IKBKG: variants seen among roughly 807,000 people sequenced by gnomAD.
IKBKG encodes NF-kappa-B essential modulator.
IKBKG carries 2 observed loss-of-function variants against 13.7 expected under a neutral mutation model. The observed-to-expected ratio is 0.15, with a 90% confidence interval of 0.06 to 0.46. The LOEUF (loss-of-function observed/expected upper bound fraction) is 0.46, where lower values mean the gene tolerates loss of function less well. IKBKG is among the 20% of genes least tolerant of loss of function. IKBKG has a pLI of 0.98. For missense variants in IKBKG, 53 were observed against 150.3 expected (o/e 0.35, Z 3.39); for synonymous variants, 22 against 64.4 (o/e 0.34, Z 3.15).
At chrX:154,546,856 G>C, upstream of IKBKG, 1 of 1,111,066 alleles carries the variant, frequency 9.0e-7, no homozygotes, top group Non-Finnish European at 1.2e-6. Flanking sequence ...CGGGGGCTGA[G>C]CCCCGCCGGC....
intron 1 of IKBKG, among the ~76,000 whole-genome samples, chrX:154,551,430 C>A (rs1304974444): frequency 9.0e-6 from 1 of 111,078 alleles, no homozygotes; most frequent in Non-Finnish European, 1.9e-5. Flanking sequence ...ATGGCCTCCT[C>A]CCCTTGCGTC....
rs1176918325 is a variant in IKBKG at position 154,562,753 on chromosome X, C to G, written c.769-57C>G. ...CTCTTTCATCCTTCTCAGTTCTTCT[C>G]AGCCAGCCTCGCCCTGGGCTGACGA... On this transcript the variant is annotated intron_variant, in intron 6 of 9. Coordinates refer to ENST00000594239, the MANE Select transcript of IKBKG (RefSeq NM_001099857.5). 6.1e-3 allele frequency: 1,565 copies of G among 255,322 alleles called. 2 individuals are homozygous for G. Among genetic ancestry groups the G allele is most frequent in the Non-Finnish European group, 6.3e-3 (963 of 153,603 alleles). 21.0% of individuals were successfully genotyped at this position (255,322 alleles called of 1,213,427 possible).
chrX:154,554,021 G>A, intron 2 of IKBKG, among the ~76,000 whole-genome samples: 1 of 112,507 alleles, frequency 8.9e-6, no homozygotes, highest in East Asian at 2.8e-4. Flanking sequence ...GACACAAGGA[G>A]GCCTCAAGGC....
At chrX:154,548,248 G>A (rs1270873716) in intron 1 of IKBKG, among the ~76,000 whole-genome samples, 1 of 112,445 alleles carries the variant, frequency 8.9e-6, no homozygotes, top group East Asian at 2.8e-4. Context: ...GGGGAGCACA[G>A]TTGGAGAGGA....
At chrX:154,545,882 G>C (rs2070694418), upstream of IKBKG, 1 of 651,157 alleles carries the variant, frequency 1.5e-6, no homozygotes, top group Non-Finnish European at 2.4e-6. Flanking sequence ...ATGCACACCA[G>C]GTAGAGCCGG....
At chrX:154,546,864 G>C (rs1557233589), upstream of IKBKG, 2 of 1,109,131 alleles carry the variant, frequency 1.8e-6, no homozygotes, top group Admixed American at 2.9e-5. Flanking sequence ...GAGCCCCGCC[G>C]GCCCATTTAA....
At chrX:154,548,471 A>C (rs1330209829) in intron 1 of IKBKG, among the ~76,000 whole-genome samples, 1 of 113,001 alleles carries the variant, frequency 8.8e-6, no homozygotes, top group African/African-American at 3.2e-5. Flanking sequence ...AGGTAATTGC[A>C]GTAATCCAGC....
chrX:154,552,727 G>A (rs1174795788), intron 2 of IKBKG, among the ~76,000 whole-genome samples: 1 of 111,578 alleles, frequency 9.0e-6, no homozygotes, highest in Non-Finnish European at 1.9e-5. Context: ...CAATCCCGGC[G>A]CACACCTCAG....
chrX:154,550,841 C>T (rs1363294899), intron 1 of IKBKG, among the ~76,000 whole-genome samples: 7 of 108,820 alleles, frequency 6.4e-5, no homozygotes, highest in African/African-American at 2.0e-4. Context: ...GATGGAGTCT[C>T]GCTCTGTTGC....
At chrX:154,544,619 A>AGGCTGG (rs1447476919), upstream of IKBKG, among the ~76,000 whole-genome samples, 1 of 112,217 alleles carries the variant, frequency 8.9e-6, no homozygotes, top group African/African-American at 3.2e-5. Flanking sequence ...TGAGGGGACC[A>AGGCTGG]GGCTGGGGCT....
rs145722968 is a variant in IKBKG at position 154,554,389 on chromosome X, C to T, written c.188-1776C>T. Among the ~76,000 whole-genome samples, 526 of 112,223 alleles carry T rather than the reference C, an allele frequency of 4.7e-3. 4 individuals carry two copies. In the Middle Eastern group the frequency reaches 0.073, roughly 16 times the overall value. The stretch of plus-strand genomic sequence containing the variant: ...TGGTTGCACAACCTGATGGATACAC[C>T]GAAAACTGCTGAATTAGTTAAAATA... On this transcript the variant is annotated intron_variant, in intron 2 of 9. Coordinates refer to ENST00000594239, the MANE Select transcript of IKBKG (RefSeq NM_001099857.5).
intron 2 of IKBKG, among the ~76,000 whole-genome samples, chrX:154,553,704 A>G (rs1389029522): frequency 8.9e-6 from 1 of 112,839 alleles, no homozygotes; most frequent in African/African-American, 3.2e-5. Context: ...TACCTGCTAG[A>G]TGCCAGTAGC....
chrX:154,553,825 C>T (rs1427450587), intron 2 of IKBKG, among the ~76,000 whole-genome samples: 29 of 112,678 alleles, frequency 2.6e-4, no homozygotes, highest in African/African-American at 9.0e-4. Flanking sequence ...CTTCAAAGCA[C>T]TGGTGCACAG....
chrX:154,551,473 A>AGACACGTTGTT (rs1299113600), intron 1 of IKBKG, among the ~76,000 whole-genome samples: 1 of 111,377 alleles, frequency 9.0e-6, no homozygotes, highest in African/African-American at 3.3e-5. Flanking sequence ...TCTCTCATAA[A>AGACACGTTGTT]GACACGTTGT....
chrX:154,542,449 G>T, upstream of IKBKG: 2 of 1,178,174 alleles, frequency 1.7e-6, no homozygotes, highest in Non-Finnish European at 2.3e-6. Context: ...TCTGGAAGGG[G>T]GCAGTAAGTA....
upstream of IKBKG, chrX:154,545,906 C>T: frequency 2.5e-6 from 2 of 809,305 alleles, no homozygotes; most frequent in Non-Finnish European, 3.7e-6. Flanking sequence ...GATCCTGGCG[C>T]ACTAGCAGGA....
chrX:154,547,529 C>A (rs1557233927), upstream of IKBKG: 1 of 753,950 alleles, frequency 1.3e-6, no homozygotes, highest in Non-Finnish European at 1.6e-6. Flanking sequence ...CGGGATGCGG[C>A]CCTACCGCGG....
chrX:154,542,334 G>C, exon 2 of IKBKG: 10 of 1,196,187 alleles, frequency 8.4e-6, no homozygotes, highest in Non-Finnish European at 1.1e-5. Context: ...ATCAATCCCA[G>C]TCTCTTCCCC....
Position 154,554,946 on chromosome X carries a change from C to T in IKBKG, c.188-1219C>T, listed in dbSNP as rs377608926. ...TAGAGTTGCTAGAACCTTGGCACAT[C>T]ACTTATCAGTTTTGTCACCTCAGAT... is the stretch of plus-strand genomic sequence containing the variant. On this transcript the variant is annotated intron_variant, in intron 2 of 9. Coordinates refer to ENST00000594239, the MANE Select transcript of IKBKG (RefSeq NM_001099857.5). 1.4e-4 allele frequency among the ~76,000 whole-genome samples: 16 copies of T among 111,149 alleles called. 1 individual carries two copies. The East Asian group carries it at 3.9e-3, about 27-fold the overall frequency.
Sources: gnomAD v4.1 joint callset for allele counts (sites outside exome capture counted in the v4.1 genomes callset) on GRCh38, gnomAD v4.1.1 for gene constraint, MANE v1.5 for transcripts, NCBI Gene and HGNC (gene_info 2026-07-23, HGNC 2026-07-21) for gene names.